The following TEX14 variants were observed in gnomAD, a reference collection of about 807,000 sequenced individuals.
TEX14 encodes the protein inactive serine/threonine-protein kinase TEX14.
TEX14 carries 168 observed loss-of-function variants against 178.6 expected under a neutral mutation model. That is an observed-to-expected ratio of 0.94 (90% CI 0.83 to 1.07). TEX14 has a LOEUF of 1.07. Ranked by LOEUF, TEX14 falls within the 50% of genes least tolerant of loss-of-function variation. The pLI is 0.00. For missense variants in TEX14, 1,730 were observed against 1,753.6 expected (o/e 0.99, Z 0.24); for synonymous variants, 626 against 634.1 (o/e 0.99, Z 0.19).
intron 6 of TEX14, 135 bp downstream of exon 6, chr17:58,617,403 T>A (rs1406082177): frequency 6.3e-6 from 4 of 635,406 alleles, no homozygotes; most frequent in Non-Finnish European, 1.1e-5. Context: ...TACCTTTCCC[T>A]CAATAGGGGC....
At chr17:58,661,679 C>G (rs550566124) in intron 1 of TEX14, 5 of 608,812 alleles carry the variant, frequency 8.2e-6, no homozygotes, top group Non-Finnish European at 1.5e-5. Flanking sequence ...TTCTAACAAC[C>G]AGTCTGAATC....
chr17:58,587,329 A>G (rs1389954045), intron 17 of TEX14, among the ~76,000 whole-genome samples: 2 of 152,182 alleles, frequency 1.3e-5, no homozygotes, highest in African/African-American at 4.8e-5. Flanking sequence ...CATTTCTTAT[A>G]CAATATACAT....
Position 58,609,831 on chromosome 17 carries a change from A to G in TEX14, c.1184+1330T>C, listed in dbSNP as rs570589208. ...CATTTGAGATATAGCAGTAAATAAA[A>G]CAGAAATCCCTGCCTCATGTAGCTT... On this transcript the variant is annotated intron_variant, in intron 10 of 31. Transcript: ENST00000349033. Among the ~76,000 whole-genome samples, 10 of 152,354 alleles carry G rather than the reference A, an allele frequency of 6.6e-5. No homozygotes were observed. In the East Asian group the frequency reaches 1.9e-3, roughly 29 times the overall value.
chr17:58,569,865 CT>C lies in TEX14; in HGVS notation c.3817+519del, dbSNP rs1448503348. Among the ~76,000 whole-genome samples, 13 of 152,170 alleles carry C rather than the reference CT, an allele frequency of 8.5e-5. No individual in the cohort carries two copies. The highest frequency in any genetic ancestry group is 6.5e-4 in the Admixed American group (10 of 15,274). ...CTCAAGACTGCTAATATTCTCAGAC[CT>C]TGTGATTTGGAAACTGTCTTCTAAG... On this transcript the variant is annotated intron_variant, in intron 25 of 31. Transcript: ENST00000349033. This position sits in a 1 kb window ranked among gnomAD's most constrained non-coding sequence, Gnocchi z 4.1.
intron 2 of TEX14, chr17:58,631,187 C>A: frequency 1.5e-5 from 15 of 980,286 alleles, no homozygotes; most frequent in Non-Finnish European, 1.8e-5. Flanking sequence ...AGCCTGGAGG[C>A]GCAGTGGCTC....
intron 13 of TEX14, 106 bp downstream of exon 13, chr17:58,601,696 AAAAC>A (rs2144481488): frequency 1.9e-6 from 2 of 1,081,000 alleles, no homozygotes; most frequent in African/African-American, 1.6e-5. Context: ...TTTATCTCAC[AAAAC>A]AAACAAGTTA....
At chr17:58,646,427 G>A (rs1241404166) in intron 2 of TEX14, among the ~76,000 whole-genome samples, 5 of 152,168 alleles carry the variant, frequency 3.3e-5, no homozygotes, top group African/African-American at 1.2e-4. Flanking sequence ...GTCAACTCAT[G>A]TCAACCAGAC....
At chr17:58,623,133 A>C (rs1598395028) in intron 3 of TEX14, 121 bp from the exon 4 acceptor site, 1 of 796,824 alleles carries the variant, frequency 1.3e-6, no homozygotes, top group East Asian at 2.7e-5. Context: ...CGAGGAATAT[A>C]ACAACATCAT....
At chr17:58,630,301 C>T (rs2144576349) in intron 3 of TEX14, 139 bp downstream of exon 3, 2 of 573,630 alleles carry the variant, frequency 3.5e-6, no homozygotes, top group East Asian at 6.0e-5. Flanking sequence ...CGTGATCTGC[C>T]CGCCTTGGCC....
chr17:58,581,778 G>T (rs187313794), intron 19 of TEX14: 1 of 1,594,192 alleles, frequency 6.3e-7, no homozygotes, highest in Non-Finnish European at 8.5e-7. Context: ...TCATTGTAAC[G>T]AAATCCCTTT....
chr17:58,585,815 A>T lies in TEX14; in HGVS notation c.3056T>A (p.Leu1019His). Residue 1019 changes from leucine (L) to histidine (H), a missense_variant, in exon 18 of 32, where the codon CTT becomes CAT. Around this residue, in one of 2 missense-constraint regions of TEX14, gnomAD observed 941 missense variants for 1,072.4 expected, o/e 0.88. Coordinates refer to ENST00000349033, the MANE Select transcript of TEX14 (RefSeq NM_031272.5). ...AGTGAACTTACTGGTGAAGCTTCCA[A>T]GCCTGGGCTGTCTGCCATGCTGGTC... ...DSDQHGRQPR[L>H]GSFTSIRHPS... 6.2e-7 allele frequency: 1 copy of T among 1,613,908 alleles called. No individual in the cohort carries two copies. The highest frequency in any genetic ancestry group is 1.3e-5 in the African/African-American group (1 of 74,936).
At chr17:58,611,140 C>G in intron 10 of TEX14, 21 bp downstream of exon 10, 1 of 1,598,396 alleles carries the variant, frequency 6.3e-7, no homozygotes, top group Non-Finnish European at 8.6e-7. Flanking sequence ...AGGAGAAAGT[C>G]CCACTCCATG....
chr17:58,653,622 G>T (rs1470094472), intron 1 of TEX14, among the ~76,000 whole-genome samples: 1 of 152,160 alleles, frequency 6.6e-6, no homozygotes, highest in East Asian at 1.9e-4. Context: ...TTTGGGAGAC[G>T]TTTGAGGTCT....
intron 28 of TEX14, among the ~76,000 whole-genome samples, chr17:58,564,545 TAG>T (rs1162364656): frequency 1.3e-5 from 2 of 152,134 alleles, no homozygotes; most frequent in African/African-American, 2.4e-5. Flanking sequence ...AAAATGGGTA[TAG>T]AGTTTCAGTT....
Position 58,611,226 on chromosome 17 carries a change from G to C in TEX14, c.1119C>G (p.Ser373=). The change falls in exon 10 of 32, where the codon TCC becomes TCG. Residue 373 remains serine (S), a synonymous_variant. Transcript: ENST00000349033. ...CTGGGGAGATGATATGGACAGCATA[G>C]GAGCTGAGGGAGCGGTGGATAAACC... The part of the protein sequence containing the change: ...FQGFIHRSLS[S]YAVHIISPGE... The C allele has an allele frequency of 6.2e-7, 1 of 1,613,916 alleles. No individual in the cohort carries two copies. The highest frequency in any genetic ancestry group is 8.5e-7 in the Non-Finnish European group (1 of 1,179,828).
Position 58,630,250 on chromosome 17 carries a change from G to C in TEX14, c.251+190C>G, listed in dbSNP as rs1195735904. On this transcript the variant is annotated intron_variant, in intron 3 of 31. Transcript: ENST00000349033. ...TTTTTGTATTTTTAGTAGAGGCAGGGTTTCACCATGTTGGTGAGGCTAGTC... is the reference window on the plus strand; with the variant it reads ...TTTTTGTATTTTTAGTAGAGGCAGGCTTTCACCATGTTGGTGAGGCTAGTC... Among the ~76,000 whole-genome samples, 3 of 149,116 alleles carry C rather than the reference G, an allele frequency of 2.0e-5. No individual in the cohort carries two copies. The East Asian group carries it at 5.9e-4, about 29-fold the overall frequency.
chr17:58,606,249 C>T (rs888586905), intron 10 of TEX14, among the ~76,000 whole-genome samples: 1 of 152,122 alleles, frequency 6.6e-6, no homozygotes, highest in African/African-American at 2.4e-5. Flanking sequence ...GCTGTCATGA[C>T]AGTCAAATGA....
At chr17:58,608,013 T>C (rs2045650928) in intron 10 of TEX14, among the ~76,000 whole-genome samples, 1 of 152,174 alleles carries the variant, frequency 6.6e-6, no homozygotes, top group Non-Finnish European at 1.5e-5. Flanking sequence ...CTGGGTGTGG[T>C]GGCTCACACT....
intron 4 of TEX14, 90 bp downstream of exon 4, chr17:58,622,757 A>G: frequency 7.7e-7 from 1 of 1,291,958 alleles, no homozygotes; most frequent in Non-Finnish European, 1.1e-6. Context: ...TACTAAGGCC[A>G]CTGTACGCTC....
Sources: allele counts gnomAD v4.1 joint callset (sites outside exome capture counted in the v4.1 genomes callset), GRCh38; gene constraint gnomAD v4.1.1; regional missense constraint gnomAD v4.1.1; non-coding constraint Gnocchi (gnomAD v3.1); transcripts MANE v1.5; gene names NCBI Gene and HGNC (gene_info 2026-07-23, HGNC 2026-07-21).